Variants in MTCL3 observed in about 807,000 individuals in gnomAD.
The protein encoded by MTCL3 is MTCL family member 3.
the MTCL3 span, among the ~76,000 whole-genome samples, chr6:127,517,346 A>C: frequency 6.6e-6 from 1 of 152,216 alleles, no homozygotes; most frequent in Non-Finnish European, 1.5e-5. Flanking sequence ...CTTTAAATCA[A>C]TCTCAGTTTC....
chr6:127,515,421 A>G, the MTCL3 span: 1 of 1,222,726 alleles, frequency 8.2e-7, no homozygotes, highest in Non-Finnish European at 1.1e-6. The surrounding 1 kb of genome is among the most constrained non-coding windows in gnomAD (Gnocchi z 4.3). Context: ...GCTCCCTAAC[A>G]GGTTAGCAGC....
chr6:127,512,575 C>T, the MTCL3 span, among the ~76,000 whole-genome samples: 1 of 152,112 alleles, frequency 6.6e-6, no homozygotes, highest in Non-Finnish European at 1.5e-5. Context: ...AGTCTCATTC[C>T]TTCACACGCT....
chr6:127,506,705 C>T, the MTCL3 span, among the ~76,000 whole-genome samples: 2 of 152,064 alleles, frequency 1.3e-5, no homozygotes, highest in Admixed American at 6.5e-5. Flanking sequence ...CTCAGCCTCC[C>T]GAGTAGCTGG....
chr6:127,475,261 A>G, the MTCL3 span: 3 of 1,551,190 alleles, frequency 1.9e-6, no homozygotes, highest in South Asian at 2.4e-5. The surrounding 1 kb of genome is among the most constrained non-coding windows in gnomAD (Gnocchi z 7.3). Context: ...CAGCCTGGCC[A>G]CCGCCGTGGC....
chr6:127,517,381 G>A, the MTCL3 span: 1 of 152,130 alleles, frequency 6.6e-6, no homozygotes, highest in African/African-American at 2.4e-5. Context: ...ATTAAGAATT[G>A]TCTATATGGG....
the MTCL3 span, among the ~76,000 whole-genome samples, chr6:127,492,077 C>T: frequency 7.2e-3 from 1,098 of 152,190 alleles, 7 homozygotes; most frequent in Non-Finnish European, 9.9e-3. Flanking sequence ...TCTGGGCTGG[C>T]CTGCTCCATG....
the MTCL3 span, among the ~76,000 whole-genome samples, chr6:127,505,763 A>G: frequency 3.2e-3 from 487 of 152,288 alleles, 2 homozygotes; most frequent in African/African-American, 0.011. Flanking sequence ...AGGGACCTTC[A>G]GTGGGTGCAA....
At chr6:127,505,748 T>A in the MTCL3 span, among the ~76,000 whole-genome samples, 1 of 152,192 alleles carries the variant, frequency 6.6e-6, no homozygotes, top group Non-Finnish European at 1.5e-5. Flanking sequence ...AAAAAAACTT[T>A]CAGTAGGGAC....
At chr6:127,498,574 T>C in the MTCL3 span, among the ~76,000 whole-genome samples, 3,549 of 152,224 alleles carry the variant, frequency 0.023, 188 homozygotes, top group Admixed American at 0.12. Flanking sequence ...AATTCTAATC[T>C]TAGCTATCTA....
the MTCL3 span, among the ~76,000 whole-genome samples, chr6:127,490,284 T>G: frequency 6.6e-6 from 1 of 152,156 alleles, no homozygotes; most frequent in African/African-American, 2.4e-5. Context: ...GATAATGCAC[T>G]TGGTCAAACA....
the MTCL3 span, chr6:127,481,331 A>G: frequency 1.0e-6 from 1 of 985,344 alleles, no homozygotes; most frequent in Non-Finnish European, 1.2e-6. Flanking sequence ...CAGCAAAGAC[A>G]GAGTGGAAAA....
At chr6:127,498,446 G>A in the MTCL3 span, among the ~76,000 whole-genome samples, 7 of 152,290 alleles carry the variant, frequency 4.6e-5, no homozygotes, top group South Asian at 1.5e-3. Flanking sequence ...TGAAAAGGGT[G>A]TGGATAAATT....
the MTCL3 span, among the ~76,000 whole-genome samples, chr6:127,506,792 G>C: frequency 6.6e-6 from 1 of 151,964 alleles, no homozygotes; most frequent in East Asian, 1.9e-4. Context: ...TGTTAGCCAG[G>C]GTGGTCTCGA....
At chr6:127,507,953 T>A in the MTCL3 span, among the ~76,000 whole-genome samples, 3 of 152,172 alleles carry the variant, frequency 2.0e-5, no homozygotes, top group South Asian at 2.1e-4. Context: ...TTCCTTTTTT[T>A]AAATTTAGTC....
the MTCL3 span, among the ~76,000 whole-genome samples, chr6:127,507,075 AC>A: frequency 0.025 from 3,829 of 152,286 alleles, 210 homozygotes; most frequent in Admixed American, 0.14. Context: ...AGGGTTGGAG[AC>A]TTAACTCTTA....
the MTCL3 span, chr6:127,475,763 T>C: frequency 6.2e-6 from 10 of 1,606,028 alleles, no homozygotes; most frequent in Admixed American, 1.0e-4. The surrounding 1 kb of genome is among the most constrained non-coding windows in gnomAD (Gnocchi z 7.3). Flanking sequence ...CCCGCGTCGC[T>C]CTCGGCGTCG....
At chr6:127,477,771 T>C in the MTCL3 span, among the ~76,000 whole-genome samples, 45,498 of 152,040 alleles carry the variant, frequency 0.3, 7,542 homozygotes, top group Middle Eastern at 0.39. Context: ...TTACATTCCA[T>C]ATAGTATTAA....
chr6:127,485,823 G>A, the MTCL3 span, among the ~76,000 whole-genome samples: 28 of 152,310 alleles, frequency 1.8e-4, no homozygotes, highest in Non-Finnish European at 2.9e-4. Flanking sequence ...TGAACAAAAA[G>A]GGACTGAGAG....
At chr6:127,515,667 C>A in the MTCL3 span, 1 of 1,502,022 alleles carries the variant, frequency 6.7e-7, no homozygotes. This position sits in a 1 kb window ranked among gnomAD's most constrained non-coding sequence, Gnocchi z 4.3. Context: ...GCTGGGGGCC[C>A]TCCGCCGCCG....
Sources: gnomAD v4.1 joint callset for allele counts (sites outside exome capture counted in the v4.1 genomes callset) on GRCh38, gnomAD v4.1.1 for gene constraint, Gnocchi (gnomAD v3.1) non-coding constraint, MANE v1.5 for transcripts, NCBI Gene and HGNC (gene_info 2026-07-23, HGNC 2026-07-21) for gene names.